The following TJP1 variants were observed in gnomAD, a reference collection of about 807,000 sequenced individuals.
TJP1 encodes tight junction protein 1.
Under a neutral mutation model 194.2 loss-of-function variants are expected in TJP1, and 43 were observed. The observed-to-expected ratio is 0.22, with a 90% CI of 0.17 to 0.29. TJP1 has a LOEUF of 0.29. TJP1 is among the 10% of genes least tolerant of loss of function. The pLI is 1.00. For synonymous variants in TJP1, 801 were observed against 779.0 expected (o/e 1.03, Z -0.47); for missense variants, 1,971 against 2,185.7 (o/e 0.90, Z 1.96).
chr15:29,961,515 A>G (rs915980929), intron 1 of TJP1, among the ~76,000 whole-genome samples: 3 of 151,906 alleles, frequency 2.0e-5, no homozygotes, highest in African/African-American at 4.8e-5. Context: ...TCCTCCCTAG[A>G]GGGAAGGTGG....
chr15:29,761,195 C>T lies in TJP1; in HGVS notation c.954G>A (p.Gln318=). Residue 318 remains glutamine, a synonymous_variant, in exon 8 of 28, where the codon CAG becomes CAA. Transcript: ENST00000614355. Reference sequence around the variant, plus strand: ...TGGAATGATCAGAAGGCTCTGACCGCTGGTCAGGAGATCGTGACCGGCTGC... The same window carrying T: ...TGGAATGATCAGAAGGCTCTGACCGTTGGTCAGGAGATCGTGACCGGCTGC... ...PRRSRSRSPD[Q]RSEPSDHSRH... 6.2e-7 allele frequency: 1 copy of T among 1,614,076 alleles called. No individual in the cohort carries two copies. Among genetic ancestry groups the T allele is most frequent in the East Asian group, 2.2e-5 (1 of 44,860 alleles).
In TJP1 at chr15:29,726,413, T is replaced by C; in HGVS notation, c.2378A>G (p.Gln793Arg). Residue 793 changes from glutamine (Q) to arginine (R), a missense_variant, in exon 18 of 28, where the codon CAG (glutamine) becomes CGG (arginine). This residue lies in a region of TJP1 where 402 missense variants were observed against 484.2 expected (regional missense o/e 0.83). Coordinates refer to ENST00000614355, the MANE Select transcript of TJP1 (RefSeq NM_001330239.4). ...YGALKEAIQQ[Q>R]QNQLVWVSEG... ...GGAAACCCATACCAGCTGGTTTTGCTGTTGTTGAATTGCTTCTTTCAGCGC... is the reference window on the plus strand; with the variant it reads ...GGAAACCCATACCAGCTGGTTTTGCCGTTGTTGAATTGCTTCTTTCAGCGC... 1.2e-6 allele frequency: 2 copies of C among 1,614,144 alleles called. No homozygotes were observed. Among genetic ancestry groups the C allele is most frequent in the Non-Finnish European group, 1.7e-6 (2 of 1,179,996 alleles).
chr15:29,749,278 G>A (rs943606533), intron 8 of TJP1, among the ~76,000 whole-genome samples: 1 of 152,136 alleles, frequency 6.6e-6, no homozygotes, highest in Admixed American at 6.5e-5. Flanking sequence ...GAGTCTCTGA[G>A]AGAGATTTTA....
chr15:29,758,343 C>G (rs962661835), intron 8 of TJP1, among the ~76,000 whole-genome samples: 1 of 151,892 alleles, frequency 6.6e-6, no homozygotes, highest in Admixed American at 6.6e-5. Flanking sequence ...TTTTTAAAAG[C>G]TCCCATATTA....
At chr15:29,856,176 T>C (rs1719023) in intron 2 of TJP1, among the ~76,000 whole-genome samples, 152,295 of 152,300 alleles carry the variant, frequency 1, 76,145 homozygotes, top group Middle Eastern at 1. Flanking sequence ...CCTGTAGTCT[T>C]AGCTACTCAA....
intron 26 of TJP1, 28 bp from the exon 27 acceptor site, chr15:29,704,333 G>C (rs375658941): frequency 1.3e-6 from 2 of 1,560,244 alleles, no homozygotes; most frequent in African/African-American, 2.7e-5. Flanking sequence ...GATAGGCAGA[G>C]AGGATGGATG....
At chr15:29,917,079 T>C (rs921041711) in intron 2 of TJP1, among the ~76,000 whole-genome samples, 3 of 152,228 alleles carry the variant, frequency 2.0e-5, no homozygotes, top group African/African-American at 7.2e-5. Flanking sequence ...TGTTGTTTTC[T>C]GCTTTCTTTA....
intron 2 of TJP1, among the ~76,000 whole-genome samples, chr15:29,779,911 C>G (rs2047248938): frequency 6.6e-6 from 1 of 151,706 alleles, no homozygotes; most frequent in Non-Finnish European, 1.5e-5. Context: ...GCTATGGAGA[C>G]TTCCTTAGCA....
At chr15:29,830,892 G>A (rs2050817994) in intron 2 of TJP1, among the ~76,000 whole-genome samples, 1 of 151,990 alleles carries the variant, frequency 6.6e-6, no homozygotes, top group Non-Finnish European at 1.5e-5. Context: ...GAGTCAAAAG[G>A]ATACAGAAGC....
At chr15:29,720,798 T>C (rs2042882760) in intron 18 of TJP1, 90 bp from the exon 19 acceptor site, 2 of 1,066,850 alleles carry the variant, frequency 1.9e-6, no homozygotes, top group Non-Finnish European at 2.7e-6. Flanking sequence ...AAAGGATATC[T>C]TTCTCTGGAG....
At chr15:29,795,631 T>A (rs1334409967) in intron 2 of TJP1, among the ~76,000 whole-genome samples, 1 of 152,138 alleles carries the variant, frequency 6.6e-6, no homozygotes, top group African/African-American at 2.4e-5. Context: ...ACATGAACTC[T>A]ACCAGAAACC....
chr15:29,896,858 GA>G (rs1390942713), intron 2 of TJP1, among the ~76,000 whole-genome samples: 9 of 152,190 alleles, frequency 5.9e-5, no homozygotes, highest in African/African-American at 2.2e-4. Flanking sequence ...TCTGGCAGAA[GA>G]AATTCCTAAG....
intron 8 of TJP1, among the ~76,000 whole-genome samples, chr15:29,758,663 A>T (rs1392061882): frequency 6.6e-6 from 1 of 152,220 alleles, no homozygotes; most frequent in Non-Finnish European, 1.5e-5. Flanking sequence ...TTAAAATTAC[A>T]GCTGCTCCCG....
At chr15:29,917,938 T>A (rs1298644589) in intron 2 of TJP1, among the ~76,000 whole-genome samples, 1 of 152,200 alleles carries the variant, frequency 6.6e-6, no homozygotes, top group Non-Finnish European at 1.5e-5. Flanking sequence ...TCTCTGGGAC[T>A]TTTTCATCTT....
Position 29,929,640 on chromosome 15 carries a change from T to C in TJP1, c.306+26592A>G, listed in dbSNP as rs568115378. Among the ~76,000 whole-genome samples the C allele has an allele frequency of 3.2e-4, 49 of 152,196 alleles. 5 individuals carry two copies. Among genetic ancestry groups the C allele is most frequent in the African/African-American group, 1.1e-3 (47 of 41,532 alleles). ...TGAACCAGGGAGGTGGCGGTTGCAG[T>C]GAGCTAAGATGGCGCCACTGCACTC... On this transcript the variant is annotated intron_variant, in intron 2 of 28. Coordinates refer to the TJP1 transcript ENST00000356107.
intron 15 of TJP1, 117 bp from the exon 16 acceptor site, chr15:29,728,136 C>G (rs2043357426): frequency 1.3e-6 from 1 of 750,336 alleles, no homozygotes; most frequent in Non-Finnish European, 2.3e-6. Context: ...TTTGTGGAAA[C>G]TGTCTTATGC....
intron 1 of TJP1, chr15:29,820,757 T>G (rs931830005): frequency 2.2e-5 from 13 of 581,132 alleles, no homozygotes; most frequent in African/African-American, 2.2e-4. Flanking sequence ...ATCCTAAATC[T>G]CTGGATCAAG....
chr15:29,812,648 T>C (rs1372597550), intron 1 of TJP1, among the ~76,000 whole-genome samples: 1 of 152,230 alleles, frequency 6.6e-6, no homozygotes, highest in Non-Finnish European at 1.5e-5. Context: ...AGGATGTGAA[T>C]GTATGACTTA....
chr15:29,918,751 T>C (rs1238481554), intron 2 of TJP1, among the ~76,000 whole-genome samples: 1 of 150,908 alleles, frequency 6.6e-6, no homozygotes, highest in Admixed American at 6.6e-5. Flanking sequence ...AAAAAAAAAG[T>C]ATAAATAAAA....
Sources: allele counts gnomAD v4.1 joint callset (sites outside exome capture counted in the v4.1 genomes callset), GRCh38; gene constraint gnomAD v4.1.1; regional missense constraint gnomAD v4.1.1; transcripts MANE v1.5; gene names NCBI Gene and HGNC (gene_info 2026-07-23, HGNC 2026-07-21).